The following DNAH7 variants were observed in gnomAD, a reference collection of about 807,000 sequenced individuals.
DNAH7 encodes the protein dynein axonemal heavy chain 7, also known as axonemal beta dynein heavy chain 7.
In DNAH7, 397 loss-of-function variants were observed where a neutral mutation model predicts 444.6. The ratio of observed to expected loss-of-function variants is 0.89; its 90% CI spans 0.82 to 0.97. The LOEUF is 0.97. Among genes scored for constraint, DNAH7 ranks in the 50% least tolerant of loss-of-function variants. The pLI is 0.00. For missense variants in DNAH7, 4,902 were observed against 4,800.8 expected, an observed-to-expected ratio of 1.02 and a Z score of -0.62; for synonymous variants, 1,636 against 1,624.4, an observed-to-expected ratio of 1.01 and a Z score of -0.17.
At chr2:195,743,397 C>G (rs145069441) in intron 63 of DNAH7, among the ~76,000 whole-genome samples, 5 of 152,206 alleles carry the variant, frequency 3.3e-5, no homozygotes, top group East Asian at 1.9e-4. Context: ...TCTAGAGAAC[C>G]CTAATACAGA....
intron 63 of DNAH7, among the ~76,000 whole-genome samples, chr2:195,748,924 G>A (rs1317182109): frequency 2.6e-5 from 4 of 152,134 alleles, no homozygotes; most frequent in African/African-American, 9.7e-5. Flanking sequence ...ACATAGGCAT[G>A]GGCAAGGACT....
chr2:195,778,274 C>T (rs747178629), intron 58 of DNAH7, among the ~76,000 whole-genome samples: 1 of 151,896 alleles, frequency 6.6e-6, no homozygotes, highest in African/African-American at 2.4e-5. Context: ...GTGCCAGATA[C>T]GAATGAATTA....
chr2:195,946,315 T>C (rs1405160432), intron 19 of DNAH7, among the ~76,000 whole-genome samples: 1 of 151,996 alleles, frequency 6.6e-6, no homozygotes, highest in African/African-American at 2.4e-5. Flanking sequence ...ACTGCTACAG[T>C]ATGGGGTAAA....
intron 24 of DNAH7, among the ~76,000 whole-genome samples, chr2:195,920,278 A>T (rs1474827764): frequency 6.6e-6 from 1 of 152,184 alleles, no homozygotes; most frequent in Admixed American, 6.5e-5. Context: ...AAAAGAACAA[A>T]TCTGGAGGTA....
intron 24 of DNAH7, among the ~76,000 whole-genome samples, chr2:195,919,419 A>T (rs1173116483): frequency 6.6e-6 from 1 of 152,056 alleles, no homozygotes; most frequent in Non-Finnish European, 1.5e-5. Context: ...ATCTCGGCTC[A>T]CTGCAGCCTC....
intron 36 of DNAH7, among the ~76,000 whole-genome samples, chr2:195,880,472 G>A (rs1194106368): frequency 6.6e-6 from 1 of 151,870 alleles, no homozygotes; most frequent in Non-Finnish European, 1.5e-5. Context: ...GGGACTACAG[G>A]CGCCCGCCAC....
rs78271755 is a variant in DNAH7, at chr2:195,868,257, C to T, written c.6634-3236G>A. ...GACTACAGGTGCCCGCCACCACACC[C>T]GGCTAATTTTTTGTATTTTTAGTAG... is the stretch of plus-strand genomic sequence containing the variant. On this transcript the variant is annotated intron_variant, in intron 40 of 64. Transcript: ENST00000312428. 4.7e-4 allele frequency among the ~76,000 whole-genome samples: 71 copies of T among 151,830 alleles called. 1 individual carries two copies. The East Asian group carries it at 0.01, about 22-fold the overall frequency.
intron 21 of DNAH7, among the ~76,000 whole-genome samples, chr2:195,934,351 G>A (rs909803095): frequency 6.6e-6 from 1 of 152,060 alleles, no homozygotes; most frequent in African/African-American, 2.4e-5. Context: ...ATGAGCAGAT[G>A]CATTATTCAA....
At chr2:195,772,627 T>C (rs1694892077) in intron 60 of DNAH7, among the ~76,000 whole-genome samples, 1 of 152,230 alleles carries the variant, frequency 6.6e-6, no homozygotes, top group Non-Finnish European at 1.5e-5. Context: ...TCTCATGTTT[T>C]ACCAGTCAAA....
At chr2:195,739,782 G>T (rs1317755938) in intron 64 of DNAH7, among the ~76,000 whole-genome samples, 1 of 152,204 alleles carries the variant, frequency 6.6e-6, no homozygotes, top group East Asian at 1.9e-4. Flanking sequence ...CATTTGCAGA[G>T]CATCAAAGAT....
At chr2:195,739,177 A>C (rs1270346701) in intron 64 of DNAH7, among the ~76,000 whole-genome samples, 2 of 152,238 alleles carry the variant, frequency 1.3e-5, no homozygotes, top group Admixed American at 1.3e-4. Context: ...ATGTGAAAGA[A>C]AGACTAAATT....
chr2:195,946,744 C>G (rs549745781), intron 19 of DNAH7, among the ~76,000 whole-genome samples: 9 of 152,168 alleles, frequency 5.9e-5, no homozygotes, highest in African/African-American at 2.2e-4. Context: ...CTTCTCTTCA[C>G]CCGGTCCTTG....
At chr2:195,945,295 A>G (rs573453889) in intron 19 of DNAH7, among the ~76,000 whole-genome samples, 2 of 152,166 alleles carry the variant, frequency 1.3e-5, no homozygotes, top group Non-Finnish European at 2.9e-5. Context: ...TTCTGCCCCA[A>G]TCAGGACTAA....
intron 40 of DNAH7, among the ~76,000 whole-genome samples, chr2:195,871,714 G>C (rs1311911679): frequency 1.2e-5 from 1 of 83,886 alleles, no homozygotes; most frequent in Non-Finnish European, 2.1e-5. Context: ...GGCGGATCAC[G>C]AGGTCAGGAG....
At position 195,754,397 on chromosome 2, in the gene DNAH7, G is replaced by C; in HGVS notation, c.11704C>G (p.Leu3902Val). 6.2e-7 allele frequency: 1 copy of C among 1,614,030 alleles called. No homozygotes were observed. Residue 3902 changes from leucine to valine, a missense_variant, in exon 63 of 65, where the codon CTT becomes GTT. Coordinates refer to ENST00000312428, the MANE Select transcript of DNAH7 (RefSeq NM_018897.3). The stretch of plus-strand genomic sequence containing the variant: ...ATCACTTCATAGTCAAACCCAAGAA[G>C]ATCAATAGGAATTGTGTATTTCCTG... ...YARKYTIPID[L>V]LGFDYEVMED...
chr2:195,980,095 G>A (rs1433597625), intron 15 of DNAH7, among the ~76,000 whole-genome samples: 1 of 150,654 alleles, frequency 6.6e-6, no homozygotes, highest in Non-Finnish European at 1.5e-5. Context: ...AACTAGAGGA[G>A]GGGCGATATG....
intron 47 of DNAH7, among the ~76,000 whole-genome samples, chr2:195,839,069 A>G (rs1698536579): frequency 6.6e-6 from 1 of 151,944 alleles, no homozygotes; most frequent in African/African-American, 2.4e-5. Context: ...TAATAGCAGG[A>G]TATTTTTTCC....
intron 48 of DNAH7, among the ~76,000 whole-genome samples, chr2:195,827,178 C>A (rs1240093090): frequency 1.3e-5 from 2 of 152,188 alleles, no homozygotes; most frequent in African/African-American, 4.8e-5. Flanking sequence ...CAGGAACAAC[C>A]AGCACTCATT....
Position 195,853,323 on chromosome 2 carries a change from G to A in DNAH7, c.8781+20C>T. 6.2e-7 allele frequency: 1 copy of A among 1,604,528 alleles called. No individual in the cohort carries two copies. The highest frequency in any genetic ancestry group is 8.5e-7 in the Non-Finnish European group (1 of 1,174,916). ...TGTGATGGGCAGAGGGTCAGGAAGA[G>A]ATGGAATAGTGTCCCTTACCTGTCT... On this transcript the variant is annotated intron_variant, in intron 46 of 64. Coordinates refer to ENST00000312428, the MANE Select transcript of DNAH7 (RefSeq NM_018897.3).
Sources: gnomAD v4.1 joint callset for allele counts (sites outside exome capture counted in the v4.1 genomes callset) on GRCh38, gnomAD v4.1.1 for gene constraint, MANE v1.5 for transcripts, NCBI Gene and HGNC (gene_info 2026-07-23, HGNC 2026-07-21) for gene names.